Variants in KLHL12 observed in about 807,000 individuals in gnomAD.
The protein encoded by KLHL12 is kelch-like protein 12.
A neutral mutation model predicts 60.8 loss-of-function variants in KLHL12; 17 were observed. The ratio of observed to expected loss-of-function variants is 0.28; its 90% CI spans 0.19 to 0.42. The LOEUF (loss-of-function observed/expected upper bound fraction) is 0.42, where lower values mean the gene tolerates loss of function less well. Among genes scored for constraint, KLHL12 ranks in the 10% least tolerant of loss-of-function variants. The probability of loss-of-function intolerance (pLI) is 1.00; values close to 1 mark genes in which losing one functional copy is unlikely to be tolerated. For missense variants in KLHL12, 468 were observed against 722.3 expected, an observed-to-expected ratio of 0.65 and a Z score of 4.04; for synonymous variants, 220 against 250.9, an observed-to-expected ratio of 0.88 and a Z score of 1.16.
At position 202,916,975 on chromosome 1, in the gene KLHL12, G is replaced by GAA. The variant is rs111461718; in HGVS notation, c.567+1194_567+1195dup. Among the ~76,000 whole-genome samples, 898 of 141,140 alleles carry GAA rather than the reference G, an allele frequency of 6.4e-3. 9 individuals carry two copies. The highest frequency in any genetic ancestry group is 0.019 in the African/African-American group (729 of 37,666). The allele number at this position is 141,140 out of a possible 152,430, so 92.6% of individuals were successfully genotyped here. A position where few individuals can be genotyped will look rare whatever the true frequency, so the allele number is the denominator to read the frequency against. On this transcript the variant is annotated intron_variant, in intron 4 of 11. Coordinates refer to ENST00000367261, the MANE Select transcript of KLHL12 (RefSeq NM_021633.4). ...GTGACAGAGTGAGACCATCTCAGAA[G>GAA]AAAAAAAAAAAAAATTAAAGAATTG...
Position 202,895,790 on chromosome 1 carries a change from C to T in KLHL12, c.940-73G>A. 1 of 1,147,590 alleles carries T rather than the reference C, an allele frequency of 8.7e-7. No individual in the cohort carries two copies. Among genetic ancestry groups the T allele is most frequent in the Non-Finnish European group, 1.3e-6 (1 of 780,646 alleles). The allele number at this position is 1,147,590 out of a possible 1,614,324, so 71.1% of individuals were successfully genotyped here. A position where few individuals can be genotyped will look rare whatever the true frequency, so the allele number is the denominator to read the frequency against. ...TTTGGGCCTTACCTTTTGCTATCTT[C>T]CCTGTTGTATCTGCACACCTCTCTG... is the stretch of plus-strand genomic sequence containing the variant. On this transcript the variant is annotated intron_variant, in intron 7 of 11. Transcript: ENST00000367261. The surrounding 1 kb of genome is among the most constrained non-coding windows in gnomAD (Gnocchi z 4.2).
chr1:202,925,965 C>T (rs894251515), intron 1 of KLHL12, among the ~76,000 whole-genome samples: 2 of 151,772 alleles, frequency 1.3e-5, no homozygotes, highest in South Asian at 2.1e-4. Flanking sequence ...AATAGCCAGG[C>T]GTGGTGATGC....
intron 6 of KLHL12, among the ~76,000 whole-genome samples, chr1:202,907,934 T>C (rs1202193707): frequency 6.6e-6 from 1 of 151,804 alleles, no homozygotes; most frequent in Non-Finnish European, 1.5e-5. Context: ...ATATAGCGGA[T>C]AAATCACCAT....
In KLHL12 at chr1:202,925,158, C is replaced by T; in HGVS notation, c.5G>A (p.Gly2Glu). 6.2e-7 allele frequency: 1 copy of T among 1,613,914 alleles called. No individual in the cohort carries two copies. Among genetic ancestry groups the T allele is most frequent in the Non-Finnish European group, 8.5e-7 (1 of 1,179,928 alleles). The change falls in exon 2 of 12, where the codon GGA (glycine) becomes GAA (glutamate). Residue 2 changes from glycine (G) to glutamate (E), a missense_variant. Coordinates refer to ENST00000367261, the MANE Select transcript of KLHL12 (RefSeq NM_021633.4). ...TATGTCTTTGGGGGCCATAATGCCT[C>T]CCATAAAGCAGTGCGGAGAAAGAAC... M[G>E]GIMAPKDIMT...
In KLHL12 at chr1:202,892,498, C is replaced by A. The variant is rs1188857955; in HGVS notation, c.*35G>T. On this transcript the variant is annotated 3_prime_UTR_variant, in exon 12 of 12. Coordinates refer to ENST00000367261, the MANE Select transcript of KLHL12 (RefSeq NM_021633.4). ...ATTCTCCCACTAACTGTCCACTGGA[C>A]TGGTCACTAGCTCTGGATGGTGCTC... 1 of 1,608,130 alleles carries A rather than the reference C, an allele frequency of 6.2e-7. No individual in the cohort carries two copies. The highest frequency in any genetic ancestry group is 1.3e-5 in the African/African-American group (1 of 74,796).
Position 202,903,629 on chromosome 1 carries a change from C to CTTTTTTT in KLHL12, c.832+5374_832+5380dup, listed in dbSNP as rs1220119536. ...CTGGGACCACTAATTTTTTTCTTTTCTTTTTTTTTTTGAAACGGCGTCTTG... is the reference window on the plus strand; with the variant it reads ...CTGGGACCACTAATTTTTTTCTTTTCTTTTTTTTTTTTTTTTTTGAAACGGCGTCTTG... On this transcript the variant is annotated intron_variant, in intron 6 of 11. Coordinates refer to ENST00000367261, the MANE Select transcript of KLHL12 (RefSeq NM_021633.4). Among the ~76,000 whole-genome samples the CTTTTTTT allele has an allele frequency of 7.4e-4, 56 of 76,092 alleles. 2 individuals are homozygous for CTTTTTTT. Among genetic ancestry groups the CTTTTTTT allele is most frequent in the East Asian group, 2.6e-3 (6 of 2,298 alleles). The allele number at this position is 76,092 out of a possible 152,430, so 49.9% of individuals were successfully genotyped here.
At chr1:202,912,104 G>C (rs1660380387) in intron 4 of KLHL12, 6 of 821,692 alleles carry the variant, frequency 7.3e-6, no homozygotes, top group African/African-American at 1.7e-5. Flanking sequence ...GATTCTCAAA[G>C]ACCAGGTGCT....
At position 202,909,698 on chromosome 1, in the gene KLHL12, T is replaced by C. The variant is rs1459258309; in HGVS notation, c.718-574A>G. ...GACTGGCCTATATGAACTGTGTCAATAGGGCTTCCTATGCCTTCTAGCTTC... is the reference window on the plus strand; with the variant it reads ...GACTGGCCTATATGAACTGTGTCAACAGGGCTTCCTATGCCTTCTAGCTTC... On this transcript the variant is annotated intron_variant, in intron 5 of 11. Coordinates refer to ENST00000367261, the MANE Select transcript of KLHL12 (RefSeq NM_021633.4). This position sits in a 1 kb window ranked among gnomAD's most constrained non-coding sequence, Gnocchi z 4.1. Among the ~76,000 whole-genome samples, 4 of 152,184 alleles carry C rather than the reference T, an allele frequency of 2.6e-5. No homozygotes were observed. The highest frequency in any genetic ancestry group is 2.9e-5 in the Non-Finnish European group (2 of 68,036).
At chr1:202,919,234 T>A (rs1163741875) in intron 3 of KLHL12, among the ~76,000 whole-genome samples, 1 of 152,210 alleles carries the variant, frequency 6.6e-6, no homozygotes, top group Non-Finnish European at 1.5e-5. Context: ...CTAATCTGGG[T>A]GACAGAGTGA....
intron 4 of KLHL12, 37 bp from the exon 5 acceptor site, chr1:202,911,240 T>C: frequency 6.2e-7 from 1 of 1,608,372 alleles, no homozygotes; most frequent in Non-Finnish European, 8.5e-7. Flanking sequence ...GATCCTACTT[T>C]TCCAATTAGC....
At position 202,915,353 on chromosome 1, in the gene KLHL12, G is replaced by T. The variant is rs75118595; in HGVS notation, c.567+2818C>A. On this transcript the variant is annotated intron_variant, in intron 4 of 11. Coordinates refer to ENST00000367261, the MANE Select transcript of KLHL12 (RefSeq NM_021633.4). ...CTATTATTTTATTTAATAAGAGGGA[G>T]CAATAGCAACTGGGAGTCAGACATC... Among the ~76,000 whole-genome samples the T allele has an allele frequency of 8.3e-3, 1,265 of 152,186 alleles. 18 individuals are homozygous for T. The highest frequency in any genetic ancestry group is 0.029 in the African/African-American group (1,207 of 41,512).
intron 5 of KLHL12, 100 bp downstream of exon 5, chr1:202,910,954 G>A: frequency 1.5e-6 from 2 of 1,343,256 alleles, no homozygotes; most frequent in Non-Finnish European, 2.1e-6. Flanking sequence ...AGGCAAAACA[G>A]GAGACTCTGT....
intron 6 of KLHL12, among the ~76,000 whole-genome samples, chr1:202,901,005 C>T (rs569386455): frequency 3.9e-5 from 6 of 152,074 alleles, no homozygotes; most frequent in South Asian, 4.2e-4. Context: ...GAGATCATGC[C>T]GCTACACTCC....
intron 4 of KLHL12, among the ~76,000 whole-genome samples, chr1:202,916,365 T>C (rs2102446410): frequency 6.6e-6 from 1 of 152,332 alleles, no homozygotes; most frequent in East Asian, 1.9e-4. Context: ...ATAAGAAATA[T>C]ACTTAAGGCC....
chr1:202,914,436 A>C (rs970304090), intron 4 of KLHL12, among the ~76,000 whole-genome samples: 2 of 152,234 alleles, frequency 1.3e-5, no homozygotes, highest in Admixed American at 1.3e-4. Context: ...TCTTAACTTA[A>C]AACTTTTATA....
intron 6 of KLHL12, among the ~76,000 whole-genome samples, chr1:202,905,076 A>T (rs1267948737): frequency 6.6e-6 from 1 of 152,208 alleles, no homozygotes; most frequent in Non-Finnish European, 1.5e-5. Flanking sequence ...AGGCACTGAC[A>T]AAGCGATACT....
intron 2 of KLHL12, among the ~76,000 whole-genome samples, chr1:202,922,892 G>A (rs866084557): frequency 2.1e-4 from 32 of 150,510 alleles, no homozygotes; most frequent in Middle Eastern, 3.4e-3. Flanking sequence ...CAAAACCCAG[G>A]TCCTCCTGCC....
At chr1:202,898,930 T>C (rs532129678) in intron 6 of KLHL12, among the ~76,000 whole-genome samples, 4 of 150,946 alleles carry the variant, frequency 2.6e-5, no homozygotes, top group Non-Finnish European at 4.4e-5. Flanking sequence ...AATGGCATTC[T>C]AGATGTGGCA....
chr1:202,926,607 T>G (rs751898555), intron 1 of KLHL12, among the ~76,000 whole-genome samples: 1 of 152,218 alleles, frequency 6.6e-6, no homozygotes, highest in Non-Finnish European at 1.5e-5. Flanking sequence ...GGGTCTTTTA[T>G]CGTTTCCGTG....
Sources: allele counts gnomAD v4.1 joint callset (sites outside exome capture counted in the v4.1 genomes callset), GRCh38; gene constraint gnomAD v4.1.1; non-coding constraint Gnocchi (gnomAD v3.1); transcripts MANE v1.5; gene names NCBI Gene and HGNC (gene_info 2026-07-23, HGNC 2026-07-21).